Variants in LRRC40 observed in about 807,000 individuals in gnomAD.
The protein encoded by LRRC40 is leucine-rich repeat-containing protein 40.
A neutral mutation model predicts 72.8 loss-of-function variants in LRRC40; 76 were observed. That is an observed-to-expected ratio of 1.04 (90% confidence interval 0.87 to 1.26). The LOEUF is 1.26. Among genes scored for constraint, LRRC40 ranks in the 50% most tolerant of loss-of-function variants. The probability of loss-of-function intolerance (pLI) is 0.00; values close to 1 mark genes in which losing one functional copy is unlikely to be tolerated. For missense variants in LRRC40, 684 were observed against 698.9 expected, an observed-to-expected ratio of 0.98 and a Z score of 0.24; for synonymous variants, 243 against 254.2, an observed-to-expected ratio of 0.96 and a Z score of 0.42.
At position 70,189,214 on chromosome 1, in the gene LRRC40, A is replaced by C; in HGVS notation, c.211T>G (p.Ser71Ala). The C allele has an allele frequency of 6.2e-7, 1 of 1,613,694 alleles. No homozygotes were observed. The highest frequency in any genetic ancestry group is 8.5e-7 in the Non-Finnish European group (1 of 1,179,918). The change falls in exon 2 of 15, where the codon TCG (serine) becomes GCG (alanine). Residue 71 changes from serine (S) to alanine (A), a missense_variant. Physicochemically the swap from Ser to Ala is moderately conservative, Grantham distance 99. Coordinates refer to ENST00000370952, the MANE Select transcript of LRRC40 (RefSeq NM_017768.5). ...DIPEEANQNL[S>A]FGATERWWEQ... ...CACCATCTTTCAGTAGCACCAAACGAAAGATTCTGATTAGCTTCCTCAGGG... is the reference window on the plus strand; with the variant it reads ...CACCATCTTTCAGTAGCACCAAACGCAAGATTCTGATTAGCTTCCTCAGGG...
chr1:70,187,604 C>T (rs916403255), intron 2 of LRRC40, among the ~76,000 whole-genome samples: 11 of 151,494 alleles, frequency 7.3e-5, no homozygotes, highest in African/African-American at 1.5e-4. Flanking sequence ...GAAGGCAAAT[C>T]GCTTGTACCC....
At chr1:70,199,446 T>C (rs1668689315) in intron 1 of LRRC40, among the ~76,000 whole-genome samples, 7 of 152,086 alleles carry the variant, frequency 4.6e-5, no homozygotes, top group Admixed American at 2.0e-4. Context: ...CCTCGCACAA[T>C]ATGGGTTTGA....
intron 1 of LRRC40, among the ~76,000 whole-genome samples, chr1:70,195,719 C>T (rs150392390): frequency 3.1e-4 from 47 of 152,272 alleles, no homozygotes; most frequent in African/African-American, 9.9e-4. Flanking sequence ...CTGCAACCTC[C>T]GCCTCCCGGG....
intron 9 of LRRC40, among the ~76,000 whole-genome samples, chr1:70,171,601 A>G (rs1668001195): frequency 6.6e-6 from 1 of 152,174 alleles, no homozygotes; most frequent in African/African-American, 2.4e-5. Flanking sequence ...ATTAATACTC[A>G]TCAGAAAAAT....
At chr1:70,189,302 A>G (rs751205285) in intron 1 of LRRC40, 29 bp from the exon 2 acceptor site, 127 of 1,268,952 alleles carry the variant, frequency 1.0e-4, no homozygotes, top group Non-Finnish European at 1.3e-4. Flanking sequence ...CACCAGGAAA[A>G]AAAAAAAAAA....
intron 3 of LRRC40, 83 bp downstream of exon 3, chr1:70,187,182 T>G (rs1287524443): frequency 1.4e-6 from 1 of 691,338 alleles, no homozygotes; most frequent in Non-Finnish European, 2.5e-6. Flanking sequence ...TCAAAGATAT[T>G]TTTAATGTTG....
intron 13 of LRRC40, 69 bp downstream of exon 13, chr1:70,151,059 T>C (rs1667471465): frequency 2.2e-6 from 2 of 889,254 alleles, no homozygotes; most frequent in Admixed American, 5.1e-5. Context: ...TTTTTGGCTT[T>C]TGTTTTCTCC....
chr1:70,157,811 T>C (rs1667672667), intron 10 of LRRC40, among the ~76,000 whole-genome samples: 1 of 152,038 alleles, frequency 6.6e-6, no homozygotes, highest in Non-Finnish European at 1.5e-5. Flanking sequence ...GAAGATAAGA[T>C]ATGCTAAGTT....
At chr1:70,195,370 TAA>T (rs201701081) in intron 1 of LRRC40, among the ~76,000 whole-genome samples, 4 of 141,720 alleles carry the variant, frequency 2.8e-5, no homozygotes, top group Admixed American at 1.4e-4. Context: ...AAAACCCATT[TAA>T]AAAAAAAAAA....
intron 9 of LRRC40, among the ~76,000 whole-genome samples, chr1:70,161,226 T>C (rs964390819): frequency 2.0e-5 from 3 of 151,340 alleles, no homozygotes; most frequent in Non-Finnish European, 2.9e-5. Flanking sequence ...CTGGGGCTAC[T>C]GGTGCCCGCC....
chr1:70,150,974 T>C (rs1389202990), intron 13 of LRRC40, among the ~76,000 whole-genome samples, 154 bp downstream of exon 13: 1 of 152,202 alleles, frequency 6.6e-6, no homozygotes, highest in Non-Finnish European at 1.5e-5. Context: ...AAGAAAATAA[T>C]ATTTTTAACT....
At chr1:70,177,333 A>C (rs762131669) in intron 6 of LRRC40, among the ~76,000 whole-genome samples, 9 of 152,138 alleles carry the variant, frequency 5.9e-5, no homozygotes, top group Non-Finnish European at 1.3e-4. Context: ...ATAACTACAT[A>C]AAATTAACTG....
At chr1:70,176,272 C>G (rs563728199) in intron 6 of LRRC40, among the ~76,000 whole-genome samples, 1 of 152,226 alleles carries the variant, frequency 6.6e-6, no homozygotes, top group Admixed American at 6.5e-5. Context: ...GTGGCTCACG[C>G]CTGTAATCCC....
intron 11 of LRRC40, among the ~76,000 whole-genome samples, chr1:70,154,312 A>C (rs1161638233): frequency 6.6e-6 from 1 of 152,158 alleles, no homozygotes; most frequent in Admixed American, 6.5e-5. Flanking sequence ...AAAATGTGAT[A>C]TAATAGCTGT....
intron 1 of LRRC40, among the ~76,000 whole-genome samples, chr1:70,193,752 T>C (rs1668551147): frequency 6.6e-6 from 1 of 151,998 alleles, no homozygotes; most frequent in African/African-American, 2.4e-5. Context: ...GGATAACATA[T>C]CATGATCCAG....
chr1:70,170,787 C>T (rs1479297857), intron 9 of LRRC40, among the ~76,000 whole-genome samples: 1 of 152,048 alleles, frequency 6.6e-6, no homozygotes, highest in African/African-American at 2.4e-5. Context: ...TAATATTCCC[C>T]AAACTGATCT....
chr1:70,203,791 A>G (rs1184922290), intron 1 of LRRC40, among the ~76,000 whole-genome samples: 1 of 152,236 alleles, frequency 6.6e-6, no homozygotes, highest in Non-Finnish European at 1.5e-5. Flanking sequence ...AACGAACTAC[A>G]AACAGTTCAG....
intron 1 of LRRC40, among the ~76,000 whole-genome samples, chr1:70,197,582 C>A (rs1171630898): frequency 1.3e-5 from 2 of 150,248 alleles, no homozygotes; most frequent in South Asian, 2.1e-4. Context: ...CCTGGCCCCC[C>A]CAACCCCCGG....
intron 1 of LRRC40, among the ~76,000 whole-genome samples, chr1:70,204,409 A>G (rs746139678): frequency 6.6e-6 from 1 of 152,236 alleles, no homozygotes; most frequent in Non-Finnish European, 1.5e-5. Context: ...TGTTAGCATG[A>G]TAGGTATGCA....
Sources: gnomAD v4.1 joint callset for allele counts (sites outside exome capture counted in the v4.1 genomes callset) on GRCh38, gnomAD v4.1.1 for gene constraint, MANE v1.5 for transcripts, NCBI Gene and HGNC (gene_info 2026-07-23, HGNC 2026-07-21) for gene names.